DCAF6: variants seen among roughly 807,000 people sequenced by gnomAD.
DCAF6 encodes the protein DDB1- and CUL4-associated factor 6.
Under a neutral mutation model 125.1 loss-of-function variants are expected in DCAF6, and 54 were observed. The observed-to-expected ratio is 0.43, with a 90% CI of 0.35 to 0.54. The LOEUF (loss-of-function observed/expected upper bound fraction) is 0.54, where lower values mean the gene tolerates loss of function less well. Among genes scored for constraint, DCAF6 ranks in the 20% least tolerant of loss-of-function variants. The pLI, the probability that DCAF6 is intolerant of heterozygous loss-of-function variation, is 0.01. For missense variants in DCAF6, 934 were observed against 1,161.7 expected (o/e 0.80, Z 2.85); for synonymous variants, 371 against 390.4 (o/e 0.95, Z 0.58).
At chr1:167,898,353 C>A in the DCAF6 span, among the ~76,000 whole-genome samples, 1 of 152,122 alleles carries the variant, frequency 6.6e-6, no homozygotes, top group Non-Finnish European at 1.5e-5. Flanking sequence ...ATAATCCCAG[C>A]ACTTTGGGAG....
intron 1 of DCAF6, among the ~76,000 whole-genome samples, chr1:167,944,879 C>T (rs2102659063): frequency 6.6e-6 from 1 of 152,204 alleles, no homozygotes; most frequent in Non-Finnish European, 1.5e-5. Context: ...TTTAATCCAC[C>T]TTGAGTTGAT....
chr1:167,969,957 T>C (rs1255806484), intron 3 of DCAF6, among the ~76,000 whole-genome samples: 4 of 152,102 alleles, frequency 2.6e-5, no homozygotes, highest in African/African-American at 7.2e-5. Flanking sequence ...TTGTATTTTT[T>C]GTAGAGTTGG....
chr1:167,966,796 C>A, intron 3 of DCAF6, 75 bp downstream of exon 3: 1 of 918,168 alleles, frequency 1.1e-6, no homozygotes, highest in Non-Finnish European at 1.8e-6. Flanking sequence ...AAACTGTGAA[C>A]AGTCATAGAA....
At chr1:167,944,111 G>C (rs1309028855) in intron 1 of DCAF6, among the ~76,000 whole-genome samples, 1 of 152,096 alleles carries the variant, frequency 6.6e-6, no homozygotes, top group East Asian at 1.9e-4. Flanking sequence ...CAAAGTGCTG[G>C]GATCACAGGG....
chr1:167,863,630 T>C, the DCAF6 span, among the ~76,000 whole-genome samples: 1 of 152,202 alleles, frequency 6.6e-6, no homozygotes, highest in Non-Finnish European at 1.5e-5. Context: ...GGCAGCTCCT[T>C]AGGCGGCTTT....
At position 168,009,466 on chromosome 1, in the gene DCAF6, C is replaced by CTTCT. The variant is rs373062559; in HGVS notation, c.1378+4676_1378+4677insTTTC. Among the ~76,000 whole-genome samples the CTTCT allele has an allele frequency of 7.5e-3, 1,081 of 143,664 alleles. 34 individuals are homozygous for CTTCT. Among genetic ancestry groups the CTTCT allele is most frequent in the African/African-American group, 0.026 (1,010 of 38,520 alleles). 94.2% of individuals were successfully genotyped at this position (143,664 alleles called of 152,430 possible). A position where few individuals can be genotyped will look rare whatever the true frequency, so the allele number is the denominator to read the frequency against. ...TCTTTCTTTCTGTCTCTCTCTCTTCCTTCCTCCCTCCCTCCCTTCCTTCAC... is the reference window on the plus strand; with the variant it reads ...TCTTTCTTTCTGTCTCTCTCTCTTCCTTCTTTCCTCCCTCCCTCCCTTCCTTCAC... On this transcript the variant is annotated intron_variant, in intron 10 of 21. Transcript: ENST00000367840.
At chr1:167,905,036 A>C in the DCAF6 span, 1 of 1,614,178 alleles carries the variant, frequency 6.2e-7, no homozygotes. Flanking sequence ...AATAATCCAT[A>C]AAGGGTCGCT....
At chr1:167,941,520 A>G (rs904556592) in intron 1 of DCAF6, among the ~76,000 whole-genome samples, 1 of 152,210 alleles carries the variant, frequency 6.6e-6, no homozygotes, top group African/African-American at 2.4e-5. Context: ...ACGAAAATAA[A>G]GGATTCTCTA....
At chr1:168,068,827 A>G (rs1038660875) in intron 21 of DCAF6, among the ~76,000 whole-genome samples, 1 of 152,158 alleles carries the variant, frequency 6.6e-6, no homozygotes, top group Admixed American at 6.6e-5. Context: ...AAGAAATGAA[A>G]CATACCTCAG....
chr1:168,072,781 C>T (rs967672192), intron 21 of DCAF6, among the ~76,000 whole-genome samples: 8 of 152,222 alleles, frequency 5.3e-5, no homozygotes, highest in African/African-American at 1.9e-4. Context: ...TTTTGTGAAA[C>T]ACAGGCTTCC....
At chr1:168,053,136 A>G (rs950472223) in intron 17 of DCAF6, among the ~76,000 whole-genome samples, 1 of 152,188 alleles carries the variant, frequency 6.6e-6, no homozygotes, top group African/African-American at 2.4e-5. Flanking sequence ...TCATCTTTCA[A>G]CATCATCTTA....
chr1:167,918,095 G>T, the DCAF6 span: 1 of 424,612 alleles, frequency 2.4e-6, no homozygotes, highest in Non-Finnish European at 4.2e-6. Context: ...GGTTTATTAC[G>T]GACAAATGGT....
chr1:167,903,823 G>C, the DCAF6 span: 2 of 1,209,452 alleles, frequency 1.7e-6, no homozygotes, highest in Non-Finnish European at 1.2e-6. Flanking sequence ...GGTTATAATT[G>C]ACAACTACGG....
chr1:167,911,248 C>T, the DCAF6 span, among the ~76,000 whole-genome samples: 7 of 152,206 alleles, frequency 4.6e-5, no homozygotes, highest in African/African-American at 1.7e-4. Flanking sequence ...AAAGACTTTC[C>T]TCCCCGTCTA....
intron 2 of DCAF6, among the ~76,000 whole-genome samples, chr1:167,960,270 CTTACAGTAAAATTT>C (rs1675372541): frequency 6.6e-6 from 1 of 151,526 alleles, no homozygotes; most frequent in African/African-American, 2.4e-5. Flanking sequence ...TTGGTGTAGC[CTTACAGTAAAATTT>C]TTATTATTAT....
At chr1:168,013,047 A>G (rs1352499276) in intron 10 of DCAF6, among the ~76,000 whole-genome samples, 3 of 152,206 alleles carry the variant, frequency 2.0e-5, no homozygotes, top group Non-Finnish European at 4.4e-5. Flanking sequence ...CCTCTCTCAT[A>G]GATTTCTTTT....
intron 11 of DCAF6, 75 bp from the exon 12 acceptor site, chr1:168,022,913 C>A: frequency 1.5e-6 from 2 of 1,350,988 alleles, no homozygotes; most frequent in Non-Finnish European, 2.1e-6. Flanking sequence ...GTTTCTTAAG[C>A]TTAGAGATGA....
chr1:167,920,271 G>A, the DCAF6 span, among the ~76,000 whole-genome samples: 2 of 152,270 alleles, frequency 1.3e-5, no homozygotes, highest in South Asian at 4.1e-4. Context: ...ATTCTTACAT[G>A]AAAGAGGAAT....
chr1:167,954,440 ATTTTTTAT>A (rs138913911), intron 2 of DCAF6, among the ~76,000 whole-genome samples: 15,505 of 151,168 alleles, frequency 0.1, 880 homozygotes, highest in African/African-American at 0.14. Flanking sequence ...TTAAATTTTT[ATTTTTTAT>A]TTTTTTATTT....
Sources: allele counts gnomAD v4.1 joint callset (sites outside exome capture counted in the v4.1 genomes callset), GRCh38; gene constraint gnomAD v4.1.1; transcripts MANE v1.5; gene names NCBI Gene and HGNC (gene_info 2026-07-23, HGNC 2026-07-21).